The following DNAH10 variants were observed in gnomAD, a reference collection of about 807,000 sequenced individuals.
DNAH10 encodes dynein axonemal heavy chain 10, also known as axonemal beta dynein heavy chain 10.
DNAH10 carries 348 observed loss-of-function variants against 506.6 expected under a neutral mutation model. That is an observed-to-expected ratio of 0.69 (90% CI 0.63 to 0.75). The LOEUF (loss-of-function observed/expected upper bound fraction) is 0.75, where lower values mean the gene tolerates loss of function less well. Among genes scored for constraint, DNAH10 ranks in the 30% least tolerant of loss-of-function variants. The pLI, the probability that DNAH10 is intolerant of heterozygous loss-of-function variation, is 0.00. For missense variants in DNAH10, 5,179 were observed against 5,787.1 expected (o/e 0.89, Z 3.41); for synonymous variants, 2,059 against 2,198.6 (o/e 0.94, Z 1.78).
At chr12:123,810,647 C>T (rs906808924) in intron 19 of DNAH10, among the ~76,000 whole-genome samples, 19 of 151,844 alleles carry the variant, frequency 1.3e-4, no homozygotes, top group Admixed American at 5.9e-4. Context: ...GAGCCGAGAT[C>T]GCACCACTGC....
chr12:123,887,207 C>G lies in DNAH10; in HGVS notation c.8889C>G (p.Leu2963=). 2 of 1,613,732 alleles carry G rather than the reference C, an allele frequency of 1.2e-6. No homozygotes were observed. Among genetic ancestry groups the G allele is most frequent in the Non-Finnish European group, 1.7e-6 (2 of 1,179,798 alleles). The change falls in exon 52 of 79, where the codon CTC becomes CTG. Residue 2963 remains leucine, a synonymous_variant. Coordinates refer to ENST00000673944, the MANE Select transcript of DNAH10 (RefSeq NM_001372106.1). ...GTTTCCGGGAAGACCTGAAGAGCCT[C>G]TATTTGAAACTTGGGATTGAGAACA... ...ENSFREDLKS[L]YLKLGIENKA...
At chr12:123,881,905 C>A in intron 51 of DNAH10, 92 bp downstream of exon 51, 1 of 1,202,328 alleles carries the variant, frequency 8.3e-7, no homozygotes, top group Non-Finnish European at 1.1e-6. Flanking sequence ...CACAGCAGAT[C>A]ATAGCATGAT....
rs1953603034 is a variant in DNAH10, at chr12:123,903,043, G to T, written c.9745G>T (p.Val3249Phe). The change falls in exon 57 of 79, where the codon GTC becomes TTC. Residue 3249 changes from valine (V) to phenylalanine (F), a missense_variant. Around this residue, in one of 3 missense-constraint regions of DNAH10, gnomAD observed 4,844 missense variants for 5,430.5 expected, o/e 0.89. Transcript: ENST00000673944. The surrounding 1 kb of genome is among the most constrained non-coding windows in gnomAD (Gnocchi z 4.6). ...KAEAETTLAE[V>F]MPILEAAKLE... ...CGAGGCCGAGACGACCCTGGCAGAG[G>T]TCATGCCCATCCTGGAGGCCGCCAA... is the stretch of plus-strand genomic sequence containing the variant. The T allele has an allele frequency of 6.2e-7, 1 of 1,610,060 alleles. No individual in the cohort carries two copies. Among genetic ancestry groups the T allele is most frequent in the Admixed American group, 1.7e-5 (1 of 59,546 alleles).
At position 123,809,651 on chromosome 12, in the gene DNAH10, A is replaced by AAACAAC. The variant is rs146942558; in HGVS notation, c.3144+721_3144+726dup. 1.3e-3 allele frequency among the ~76,000 whole-genome samples: 192 copies of AAACAAC among 150,992 alleles called. 1 individual carries two copies. The East Asian group carries it at 0.013, about 10-fold the overall frequency. On this transcript the variant is annotated intron_variant, in intron 19 of 78. Coordinates refer to ENST00000673944, the MANE Select transcript of DNAH10 (RefSeq NM_001372106.1). ...GCAACAGAGCAAGACCGTGTCTCTA[A>AAACAAC]AACAACAACAACAACAACAACAACA...
Position 123,772,297 on chromosome 12 carries a change from A to G in DNAH10, c.397-537A>G, listed in dbSNP as rs143597614. On this transcript the variant is annotated intron_variant, in intron 3 of 78. Coordinates refer to ENST00000673944, the MANE Select transcript of DNAH10 (RefSeq NM_001372106.1). ...GCATTGTTAGCATACACCTTCAGGC[A>G]TGGCCCAAGGCTACAGGTACACAAA... 3.0e-3 allele frequency among the ~76,000 whole-genome samples: 459 copies of G among 152,360 alleles called. 1 individual carries two copies. The highest frequency in any genetic ancestry group is 5.0e-3 in the Non-Finnish European group (343 of 68,034).
chr12:123,835,480 T>C lies in DNAH10; in HGVS notation c.4854T>C (p.Leu1618=). Residue 1618 remains leucine, a synonymous_variant, in exon 28 of 79, where the codon CTT becomes CTC. Transcript: ENST00000673944. The stretch of plus-strand genomic sequence containing the variant: ...TTGGTGGAGATATAAGATCACAACT[T>C]CCGGAAGAGGCAAAAAAGTTTGACA... ...IFIGGDIRSQ[L]PEEAKKFDNI... 1 of 1,608,598 alleles carries C rather than the reference T, an allele frequency of 6.2e-7. No individual in the cohort carries two copies. Among genetic ancestry groups the C allele is most frequent in the Non-Finnish European group, 8.5e-7 (1 of 1,177,174 alleles).
At chr12:123,847,385 T>A (rs77376218) in intron 32 of DNAH10, among the ~76,000 whole-genome samples, 3,859 of 145,066 alleles carry the variant, frequency 0.027, 159 homozygotes, top group African/African-American at 0.089. Flanking sequence ...TTATGAGGTA[T>A]TGACTCATGT....
At chr12:123,910,049 TAG>T (rs1953992506) in intron 58 of DNAH10, among the ~76,000 whole-genome samples, 1 of 152,236 alleles carries the variant, frequency 6.6e-6, no homozygotes, top group South Asian at 2.1e-4. Context: ...ATGGTTTATT[TAG>T]ACTCTTATCA....
intron 17 of DNAH10, among the ~76,000 whole-genome samples, chr12:123,804,149 C>T (rs1467720660): frequency 6.6e-6 from 1 of 152,084 alleles, no homozygotes; most frequent in South Asian, 2.1e-4. Context: ...ACCTCATCTG[C>T]GAAAGCCTGT....
At chr12:123,831,090 A>T (rs996512977) in intron 26 of DNAH10, among the ~76,000 whole-genome samples, 7 of 152,308 alleles carry the variant, frequency 4.6e-5, no homozygotes, top group Non-Finnish European at 1.0e-4. Flanking sequence ...TCCATTGTTT[A>T]AAAAAATTTT....
chr12:123,781,059 T>C lies in DNAH10; in HGVS notation c.622-21T>C, dbSNP rs772544797. On this transcript the variant is annotated intron_variant, in intron 5 of 78. Transcript: ENST00000673944. ...TTGAAAATGACTTCATATGATGTATTTCATAAAATTGGCATTTCAGGTTTT... is the reference window on the plus strand; with the variant it reads ...TTGAAAATGACTTCATATGATGTATCTCATAAAATTGGCATTTCAGGTTTT... 4.4e-6 allele frequency: 7 copies of C among 1,577,294 alleles called. No individual in the cohort carries two copies. The Admixed American group carries it at 7.4e-5, about 17-fold the overall frequency.
intron 55 of DNAH10, 39 bp from the exon 56 acceptor site, chr12:123,898,614 G>C: frequency 6.8e-7 from 1 of 1,464,910 alleles, no homozygotes. Context: ...GCGAACAGTG[G>C]CCACCTCGAC....
intron 39 of DNAH10, 125 bp downstream of exon 39, chr12:123,861,295 T>G (rs1299112086): frequency 8.0e-7 from 1 of 1,246,542 alleles, no homozygotes; most frequent in African/African-American, 1.5e-5. Context: ...TAGAGTCCAG[T>G]CTTGGAGGCT....
At chr12:123,859,931 A>G (rs532025972) in intron 38 of DNAH10, among the ~76,000 whole-genome samples, 1 of 152,122 alleles carries the variant, frequency 6.6e-6, no homozygotes, top group Non-Finnish European at 1.5e-5. Flanking sequence ...TCAGGAGGCT[A>G]AGGAGGGAGG....
chr12:123,880,158 A>G (rs757036647), intron 50 of DNAH10, among the ~76,000 whole-genome samples: 1 of 152,134 alleles, frequency 6.6e-6, no homozygotes, highest in Non-Finnish European at 1.5e-5. Flanking sequence ...GCTGCTGGCC[A>G]ATCAAAGCCC....
chr12:123,930,296 G>C, intron 72 of DNAH10, 106 bp from the exon 73 acceptor site: 3 of 1,101,872 alleles, frequency 2.7e-6, no homozygotes, highest in Non-Finnish European at 2.5e-6. Flanking sequence ...GCAGCAGCCA[G>C]GCTGCTGGAG....
At chr12:123,800,852 A>G (rs997104096) in intron 15 of DNAH10, among the ~76,000 whole-genome samples, 3 of 151,870 alleles carry the variant, frequency 2.0e-5, no homozygotes, top group Admixed American at 2.0e-4. Flanking sequence ...CCCCATCTCT[A>G]CTAAAACTAC....
Position 123,867,558 on chromosome 12 carries a change from C to T in DNAH10, c.7259C>T (p.Ala2420Val), listed in dbSNP as rs777127821. The change falls in exon 42 of 79, where the codon GCA (alanine) becomes GTA (valine). Residue 2420 changes from alanine to valine, a missense_variant. By Grantham distance (64) the Ala-to-Val change is moderately conservative. Coordinates refer to ENST00000673944, the MANE Select transcript of DNAH10 (RefSeq NM_001372106.1). ...IVEGIVDGRQ[A>V]EKLKTIVPQT... Reference sequence around the variant, plus strand: ...GAAGGAATTGTGGATGGAAGACAAGCAGAAAAGCTGAAGACAATAGTTCCT... The same window carrying T: ...GAAGGAATTGTGGATGGAAGACAAGTAGAAAAGCTGAAGACAATAGTTCCT... The T allele has an allele frequency of 1.9e-6, 3 of 1,613,886 alleles. No individual in the cohort carries two copies. In the South Asian group the frequency reaches 3.3e-5, roughly 18 times the overall value.
chr12:123,907,200 C>A lies in DNAH10; in HGVS notation c.9816-2061C>A, dbSNP rs1302136801. Among the ~76,000 whole-genome samples the A allele has an allele frequency of 6.6e-6, 1 of 152,190 alleles. No individual in the cohort carries two copies. Among genetic ancestry groups the A allele is most frequent in the East Asian group, 1.9e-4 (1 of 5,194 alleles). On this transcript the variant is annotated intron_variant, in intron 57 of 78. Coordinates refer to ENST00000673944, the MANE Select transcript of DNAH10 (RefSeq NM_001372106.1). The surrounding 1 kb of genome is among the most constrained non-coding windows in gnomAD (Gnocchi z 4.4). ...GCTGCTCTGACAGTGGATGTTGGGA[C>A]CTGACCTAGTCATGGTCATGGAGGG...
Sources: gnomAD v4.1 joint callset for allele counts (sites outside exome capture counted in the v4.1 genomes callset) on GRCh38, gnomAD v4.1.1 for gene constraint, gnomAD v4.1.1 regional missense constraint, Gnocchi (gnomAD v3.1) non-coding constraint, MANE v1.5 for transcripts, NCBI Gene and HGNC (gene_info 2026-07-23, HGNC 2026-07-21) for gene names.